Variants in SDK1 observed in about 807,000 individuals in gnomAD.
SDK1 encodes protein sidekick-1.
A neutral mutation model predicts 245.5 loss-of-function variants in SDK1; 157 were observed. That is an observed-to-expected ratio of 0.64 (90% CI 0.56 to 0.73). The LOEUF (loss-of-function observed/expected upper bound fraction) is 0.73. SDK1 is among the 30% of genes least tolerant of loss of function. The probability of loss-of-function intolerance (pLI) is 0.00; values close to 1 mark genes in which losing one functional copy is unlikely to be tolerated. For missense variants in SDK1, 3,583 were observed against 3,002.3 expected, an observed-to-expected ratio of 1.19 and a Z score of -4.52; for synonymous variants, 1,647 against 1,278.5, an observed-to-expected ratio of 1.29 and a Z score of -6.15.
intron 22 of SDK1, among the ~76,000 whole-genome samples, chr7:4,088,429 G>T (rs942796497): frequency 4.6e-5 from 7 of 152,084 alleles, no homozygotes; most frequent in African/African-American, 1.4e-4. Context: ...TCACTCTAAA[G>T]AAATTATTGT....
At chr7:3,355,649 ACCC>A (rs1780772243) in intron 1 of SDK1, among the ~76,000 whole-genome samples, 1 of 152,168 alleles carries the variant, frequency 6.6e-6, no homozygotes, top group African/African-American at 2.4e-5. Context: ...CACTGGGAAT[ACCC>A]TCAGCTTTCC....
chr7:3,768,463 G>A (rs1780318789), intron 4 of SDK1, among the ~76,000 whole-genome samples: 1 of 152,194 alleles, frequency 6.6e-6, no homozygotes, highest in Non-Finnish European at 1.5e-5. Context: ...TCATTAAATA[G>A]ACAAGTCTTT....
chr7:3,488,796 T>G (rs1781780590), intron 1 of SDK1, among the ~76,000 whole-genome samples: 1 of 152,170 alleles, frequency 6.6e-6, no homozygotes, highest in South Asian at 2.1e-4. Context: ...TCTGACAGCT[T>G]GGACTTGTCT....
intron 4 of SDK1, among the ~76,000 whole-genome samples, chr7:3,701,908 G>C (rs1279899397): frequency 2.9e-5 from 4 of 135,952 alleles, no homozygotes; most frequent in Non-Finnish European, 4.7e-5. Context: ...TGCTAGAGTG[G>C]TTGGACGTGC....
At chr7:4,072,447 G>A (rs1051943551) in intron 20 of SDK1, among the ~76,000 whole-genome samples, 1 of 152,202 alleles carries the variant, frequency 6.6e-6, no homozygotes. Flanking sequence ...GAGATCGGAT[G>A]TTATCACCTT....
intron 1 of SDK1, among the ~76,000 whole-genome samples, chr7:3,481,767 T>G (rs1781530233): frequency 6.6e-6 from 1 of 152,246 alleles, no homozygotes; most frequent in African/African-American, 2.4e-5. Context: ...ACAGCAGTTG[T>G]CATTTGCTCC....
chr7:3,504,265 CGTTGTTGTTGTTGTT>C (rs369977701), intron 1 of SDK1, among the ~76,000 whole-genome samples: 3 of 146,544 alleles, frequency 2.0e-5, no homozygotes, highest in African/African-American at 7.6e-5. Flanking sequence ...CTGTTGTTGT[CGTTGTTGTTGTTGTT>C]GTTGTTGTTG....
At chr7:3,364,490 A>G (rs898497032) in intron 1 of SDK1, among the ~76,000 whole-genome samples, 1 of 152,104 alleles carries the variant, frequency 6.6e-6, no homozygotes, top group African/African-American at 2.4e-5. Flanking sequence ...TTTTGCTTTT[A>G]AACCCATGGA....
At chr7:4,102,040 G>A (rs552498183) in intron 22 of SDK1, among the ~76,000 whole-genome samples, 9 of 152,292 alleles carry the variant, frequency 5.9e-5, no homozygotes, top group Admixed American at 2.6e-4. Context: ...ACGACAACCC[G>A]GAAAGACAGA....
At chr7:3,305,215 A>T (rs762555392) in intron 1 of SDK1, among the ~76,000 whole-genome samples, 3 of 152,210 alleles carry the variant, frequency 2.0e-5, no homozygotes, top group Non-Finnish European at 4.4e-5. Flanking sequence ...TGTACATCGG[A>T]ATCACTGGTG....
intron 1 of SDK1, among the ~76,000 whole-genome samples, chr7:3,334,815 C>T (rs1448079535): frequency 6.6e-6 from 1 of 152,096 alleles, no homozygotes; most frequent in African/African-American, 2.4e-5. Context: ...TTCCAATGGT[C>T]GGTCATCTTA....
At chr7:3,961,485 T>G (rs1424249480) in intron 8 of SDK1, among the ~76,000 whole-genome samples, 1 of 152,228 alleles carries the variant, frequency 6.6e-6, no homozygotes, top group Non-Finnish European at 1.5e-5. Flanking sequence ...CAAGATATGT[T>G]TTTTATTTAA....
At chr7:4,235,452 C>T (rs996630288) in intron 41 of SDK1, among the ~76,000 whole-genome samples, 8 of 152,206 alleles carry the variant, frequency 5.3e-5, no homozygotes, top group Non-Finnish European at 1.0e-4. Flanking sequence ...GAGTGAGTCA[C>T]GGCGCCCAGC....
intron 1 of SDK1, among the ~76,000 whole-genome samples, chr7:3,397,038 T>A (rs1459906165): frequency 6.6e-6 from 1 of 151,834 alleles, no homozygotes; most frequent in Non-Finnish European, 1.5e-5. Flanking sequence ...TCTTAGTGGT[T>A]ATCCTGGGGA....
At chr7:3,878,016 A>G (rs185728205) in intron 5 of SDK1, among the ~76,000 whole-genome samples, 27 of 152,378 alleles carry the variant, frequency 1.8e-4, no homozygotes, top group African/African-American at 6.0e-4. Flanking sequence ...AATGAGACAT[A>G]TCACCACATT....
Position 4,145,836 on chromosome 7 carries a change from A to C in SDK1, c.4343A>C (p.Tyr1448Ser). ...TATDLAPESA[Y>S]IFRLSAKTRQ... ...ACCGACCTGGCCCCGGAGTCCGCAT[A>C]CATCTTCAGGCTGTCCGCCAAGACG... Residue 1448 changes from tyrosine to serine, a missense_variant, in exon 29 of 45, where the codon TAC becomes TCC. Coordinates refer to ENST00000404826, the MANE Select transcript of SDK1 (RefSeq NM_152744.4). 1 of 1,613,712 alleles carries C rather than the reference A, an allele frequency of 6.2e-7. No individual in the cohort carries two copies. The highest frequency in any genetic ancestry group is 8.5e-7 in the Non-Finnish European group (1 of 1,179,908).
chr7:3,311,631 A>G (rs73044792), intron 1 of SDK1, among the ~76,000 whole-genome samples: 30,035 of 152,098 alleles, frequency 0.2, 3,087 homozygotes, highest in African/African-American at 0.27. Context: ...AATTATCACA[A>G]TTCTCTGAAG....
At chr7:3,452,317 G>C (rs1277131427) in intron 1 of SDK1, among the ~76,000 whole-genome samples, 1 of 152,152 alleles carries the variant, frequency 6.6e-6, no homozygotes, top group East Asian at 1.9e-4. Flanking sequence ...TAAGCACTTG[G>C]TTGCTTTCTG....
At chr7:3,308,379 G>A (rs1406341512) in intron 1 of SDK1, among the ~76,000 whole-genome samples, 3 of 152,088 alleles carry the variant, frequency 2.0e-5, no homozygotes, top group Non-Finnish European at 1.5e-5. Flanking sequence ...TTAACATAAT[G>A]TTATGTTGGT....
Sources: gnomAD v4.1 joint callset for allele counts (sites outside exome capture counted in the v4.1 genomes callset) on GRCh38, gnomAD v4.1.1 for gene constraint, MANE v1.5 for transcripts, NCBI Gene and HGNC (gene_info 2026-07-23, HGNC 2026-07-21) for gene names.